Variants in MYO15B observed in about 807,000 individuals in gnomAD.
MYO15B encodes the protein myosin XVB pseudogene.
A neutral mutation model predicts 119.3 loss-of-function variants in MYO15B; 207 were observed. The observed-to-expected ratio is 1.73, with a 90% CI of 1.55 to 1.95. MYO15B has a LOEUF of 1.95. MYO15B is among the 30% of genes most tolerant of loss of function. MYO15B has a pLI of 0.00. For synonymous variants in MYO15B, 966 were observed against 498.9 expected (o/e 1.94, Z -12.48); for missense variants, 2,264 against 1,203.1 (o/e 1.88, Z -13.04).
intron 9 of MYO15B, 59 bp downstream of exon 9, chr17:75,592,899 T>C (rs1335265540): frequency 1.5e-6 from 1 of 670,968 alleles, no homozygotes; most frequent in Middle Eastern, 2.4e-4. Flanking sequence ...ATCAGGGCAG[T>C]GGTAATGACG....
At chr17:75,591,807 T>G (rs770752180) in intron 5 of MYO15B, 95 bp downstream of exon 5, 220 of 689,514 alleles carry the variant, frequency 3.2e-4, no homozygotes, top group Non-Finnish European at 4.1e-4. Context: ...ATCTTTCTCC[T>G]TTCAGCCAGG....
intron 52 of MYO15B, 193 bp from the exon 53 acceptor site, chr17:75,621,811 G>A (rs755749509): frequency 1.6e-6 from 1 of 609,996 alleles, no homozygotes; most frequent in South Asian, 1.9e-5. Context: ...TATGTGCTGT[G>A]TGGGGCCTTG....
rs1437034085 is a variant in MYO15B, at chr17:75,615,763, C to G, written c.5909C>G (p.Ala1970Gly). 3.4e-5 allele frequency: 24 copies of G among 702,036 alleles called. No individual in the cohort carries two copies. In the East Asian group the frequency reaches 6.4e-4, roughly 19 times the overall value. The allele number at this position is 702,036 out of a possible 1,614,324, so 43.5% of individuals were successfully genotyped here. A position where few individuals can be genotyped will look rare whatever the true frequency, so the allele number is the denominator to read the frequency against. Residue 1970 changes from alanine (A) to glycine (G), a missense_variant, in exon 36 of 64, where the codon GCT becomes GGT. Physicochemically the swap from Ala to Gly is moderately conservative, Grantham distance 60. Coordinates refer to ENST00000645453, the Ensembl canonical transcript of MYO15B. ...CAGATGCAGCAGCGGCAGCAGCAGGCTCGGGCCTCCGAGGCTGCGTCCCAG... is the reference window on the plus strand; with the variant it reads ...CAGATGCAGCAGCGGCAGCAGCAGGGTCGGGCCTCCGAGGCTGCGTCCCAG...
At chr17:75,591,955 T>C (rs1162610551) in intron 5 of MYO15B, 22 bp from the exon 6 acceptor site, 2 of 700,064 alleles carry the variant, frequency 2.9e-6, no homozygotes, top group East Asian at 5.4e-5. Flanking sequence ...CCAGGGATGC[T>C]TGAACACCCC....
intron 44 of MYO15B, 30 bp downstream of exon 44, chr17:75,619,248 G>C: frequency 1.4e-6 from 1 of 702,820 alleles, no homozygotes; most frequent in Non-Finnish European, 2.6e-6. Flanking sequence ...GGAGTTGGGA[G>C]CTTGAGTGCT....
At position 75,619,875 on chromosome 17, in the gene MYO15B, G is replaced by T. The variant is rs1282543355; in HGVS notation, c.7302-4G>T. On this transcript the variant is annotated splice_polypyrimidine_tract_variant and splice_region_variant and intron_variant, in intron 46 of 63. Coordinates refer to ENST00000645453, the Ensembl canonical transcript of MYO15B. ...ACCTCAGTTCATGCCCGATCCCTGC[G>T]CAGCTTTGCGGAGGTGCTGGGTGTG... 1 of 702,338 alleles carries T rather than the reference G, an allele frequency of 1.4e-6. No homozygotes were observed. Among genetic ancestry groups the T allele is most frequent in the East Asian group, 2.7e-5 (1 of 37,262 alleles). The allele number at this position is 702,338 out of a possible 1,614,324, so 43.5% of individuals were successfully genotyped here. A position where few individuals can be genotyped will look rare whatever the true frequency, so the allele number is the denominator to read the frequency against.
At position 75,589,850 on chromosome 17, in the gene MYO15B, G is replaced by C. The variant is rs1384112315; in HGVS notation, c.1793G>C (p.Gly598Ala). The C allele has an allele frequency of 2.5e-5, 10 of 398,414 alleles. No individual in the cohort carries two copies. The highest frequency in any genetic ancestry group is 7.1e-5 in the East Asian group (2 of 28,078). The allele number at this position is 398,414 out of a possible 1,614,324, so 24.7% of individuals were successfully genotyped here. The stretch of plus-strand genomic sequence containing the variant: ...AGGACGAGTGGGGAAGGGGTGTCCG[G>C]GCTTCGTCGCGGCTCCCTCCTTGCC... The change falls in exon 1 of 64, where the codon GGG becomes GCG. Residue 598 changes from glycine to alanine, a missense_variant. Physicochemically the swap from Gly to Ala is moderately conservative, Grantham distance 60. Coordinates refer to ENST00000645453, the Ensembl canonical transcript of MYO15B. This position sits in a 1 kb window ranked among gnomAD's most constrained non-coding sequence, Gnocchi z 4.2.
At chr17:75,619,065 C>A in intron 43 of MYO15B, 78 bp from the exon 44 acceptor site, 1 of 698,310 alleles carries the variant, frequency 1.4e-6, no homozygotes. Context: ...TCAGGTTTTC[C>A]TTCATGCATG....
exon 41 of MYO15B, chr17:75,617,276 C>T (rs1568205574): frequency 1.5e-6 from 1 of 665,474 alleles, no homozygotes; most frequent in Non-Finnish European, 2.7e-6. Context: ...TGCCCGAGGA[C>T]CCAGGGACCC....
exon 45 of MYO15B, chr17:75,619,383 T>C (rs2058567779): frequency 1.4e-6 from 1 of 702,610 alleles, no homozygotes; most frequent in African/African-American, 1.7e-5. Context: ...ACCTGGATTC[T>C]CTCACCACCA....
At chr17:75,619,396 G>A (rs754042702) in exon 45 of MYO15B, 5 of 702,550 alleles carry the variant, frequency 7.1e-6, no homozygotes, top group East Asian at 5.4e-5. Flanking sequence ...CACCACCACC[G>A]AAGACAGCGT....
At chr17:75,606,088 T>C (rs1349424909) in intron 21 of MYO15B, 67 bp downstream of exon 21, 1 of 614,698 alleles carries the variant, frequency 1.6e-6, no homozygotes, top group Non-Finnish European at 3.0e-6. Context: ...CTCCAGGTGG[T>C]GGGGCAGGGT....
At chr17:75,622,449 G>A (rs2058763156) in intron 53 of MYO15B, among the ~76,000 whole-genome samples, 1 of 152,164 alleles carries the variant, frequency 6.6e-6, no homozygotes, top group Admixed American at 6.5e-5. Flanking sequence ...TCACGCACCG[G>A]GACCAGCGTG....
exon 44 of MYO15B, chr17:75,619,212 C>A: frequency 1.4e-6 from 1 of 702,812 alleles, no homozygotes; most frequent in Non-Finnish European, 2.6e-6. Flanking sequence ...AATGAAAGAC[C>A]TGCTGGGTAT....
At chr17:75,614,025 G>A in intron 29 of MYO15B, 174 bp from the exon 30 acceptor site, 2 of 600,652 alleles carry the variant, frequency 3.3e-6, no homozygotes, top group Non-Finnish European at 3.0e-6. Context: ...GGAAGTGGAG[G>A]GCCGTGAGGT....
At chr17:75,625,470 T>C (rs755139731) in intron 60 of MYO15B, 57 bp from the exon 61 acceptor site, 4 of 698,906 alleles carry the variant, frequency 5.7e-6, no homozygotes, top group Non-Finnish European at 1.0e-5. Flanking sequence ...ACGTGCTGTA[T>C]GCCCAGCCCT....
chr17:75,591,616 T>C, exon 5 of MYO15B: 9 of 702,650 alleles, frequency 1.3e-5, no homozygotes, highest in African/African-American at 3.5e-5. Flanking sequence ...CCCACTGCAG[T>C]GGGCACAGTG....
At chr17:75,617,579 G>GACACATACCCCACA in intron 41 of MYO15B, 1 of 572,684 alleles carries the variant, frequency 1.7e-6, no homozygotes, top group Non-Finnish European at 3.1e-6. Flanking sequence ...GGAAGTTAGT[G>GACACATACCCCACA]GCCCTGGCTG....
At chr17:75,602,005 T>C (rs2057316067) in intron 15 of MYO15B, among the ~76,000 whole-genome samples, 1 of 151,948 alleles carries the variant, frequency 6.6e-6, no homozygotes, top group South Asian at 2.1e-4. Flanking sequence ...GTTCTATGCC[T>C]ACCAAGAAGC....
Sources: gnomAD v4.1 joint callset for allele counts (sites outside exome capture counted in the v4.1 genomes callset) on GRCh38, gnomAD v4.1.1 for gene constraint, Gnocchi (gnomAD v3.1) non-coding constraint, MANE v1.5 for transcripts, NCBI Gene and HGNC (gene_info 2026-07-23, HGNC 2026-07-21) for gene names.